Variants in NPAS3 observed in about 807,000 individuals in gnomAD.
The protein encoded by NPAS3 is neuronal PAS domain protein 3, also known as neuronal PAS domain-containing protein 3.
NPAS3 carries 14 observed loss-of-function variants against 73.1 expected under a neutral mutation model. The ratio of observed to expected loss-of-function variants is 0.19; its 90% CI spans 0.13 to 0.30. The LOEUF (loss-of-function observed/expected upper bound fraction) is 0.30, where lower values mean the gene tolerates loss of function less well. Ranked by LOEUF, NPAS3 falls within the 10% of genes least tolerant of loss-of-function variation. NPAS3 has a pLI of 1.00. For missense variants in NPAS3, 1,096 were observed against 1,250.0 expected (o/e 0.88, Z 1.86); for synonymous variants, 620 against 541.5 (o/e 1.14, Z -2.01).
chr14:33,223,929 A>C (rs561304259), intron 3 of NPAS3, among the ~76,000 whole-genome samples: 21 of 152,272 alleles, frequency 1.4e-4, no homozygotes, highest in African/African-American at 5.1e-4. Context: ...CACATAATGA[A>C]GTTTTAAAGA....
intron 2 of NPAS3, among the ~76,000 whole-genome samples, chr14:33,084,269 A>C (rs1178708662): frequency 6.6e-6 from 1 of 152,220 alleles, no homozygotes; most frequent in Non-Finnish European, 1.5e-5. Flanking sequence ...TGAAGTACAT[A>C]GCTATGAGAT....
intron 3 of NPAS3, among the ~76,000 whole-genome samples, chr14:33,270,653 G>A (rs1310348845): frequency 6.6e-6 from 1 of 152,214 alleles, no homozygotes; most frequent in Non-Finnish European, 1.5e-5. Flanking sequence ...AAGGTGGCTA[G>A]ATTACATGTT....
At chr14:32,979,143 C>G (rs544229156) in intron 1 of NPAS3, among the ~76,000 whole-genome samples, 1 of 152,208 alleles carries the variant, frequency 6.6e-6, no homozygotes, top group South Asian at 2.1e-4. Flanking sequence ...AGTGCAGTAC[C>G]TGCCACACTG....
chr14:33,573,987 T>A (rs2056335078), intron 5 of NPAS3, among the ~76,000 whole-genome samples: 1 of 152,182 alleles, frequency 6.6e-6, no homozygotes, highest in Non-Finnish European at 1.5e-5. Context: ...AGGAAGTACA[T>A]TTTTAAAACT....
intron 1 of NPAS3, among the ~76,000 whole-genome samples, chr14:32,965,817 C>T (rs907683809): frequency 1.1e-4 from 16 of 152,000 alleles, no homozygotes; most frequent in South Asian, 2.1e-4. Flanking sequence ...ACTCTACAGA[C>T]GCCATTTAAA....
chr14:33,585,460 G>C (rs1263201246), intron 5 of NPAS3, among the ~76,000 whole-genome samples: 1 of 152,108 alleles, frequency 6.6e-6, no homozygotes, highest in South Asian at 2.1e-4. Context: ...ACATTTTCAC[G>C]CTTCATTTTT....
intron 5 of NPAS3, among the ~76,000 whole-genome samples, chr14:33,643,319 TG>T (rs1402232376): frequency 1.4e-5 from 2 of 143,614 alleles, no homozygotes; most frequent in Non-Finnish European, 3.0e-5. Flanking sequence ...CACCCTTTGC[TG>T]TAAAACACCA....
chr14:33,162,386 A>G (rs2044927360), intron 2 of NPAS3, among the ~76,000 whole-genome samples: 1 of 152,134 alleles, frequency 6.6e-6, no homozygotes, highest in Non-Finnish European at 1.5e-5. Context: ...AAATACTTTA[A>G]TATGCGTTTC....
At chr14:32,967,431 G>A (rs904006350) in intron 1 of NPAS3, among the ~76,000 whole-genome samples, 9 of 152,164 alleles carry the variant, frequency 5.9e-5, no homozygotes, top group East Asian at 5.8e-4. Context: ...CAACTTTGTC[G>A]GGGGTTGGTG....
At chr14:33,304,155 G>T (rs1248260172) in intron 3 of NPAS3, among the ~76,000 whole-genome samples, 1 of 152,154 alleles carries the variant, frequency 6.6e-6, no homozygotes, top group African/African-American at 2.4e-5. Flanking sequence ...TTAAGGTCTT[G>T]AGAAACCTCC....
intron 4 of NPAS3, among the ~76,000 whole-genome samples, chr14:33,527,351 T>C (rs1440661554): frequency 6.6e-6 from 1 of 152,172 alleles, no homozygotes; most frequent in African/African-American, 2.4e-5. Context: ...GTTATTGTCA[T>C]AGGAAGAAAT....
exon 1 of NPAS3, chr14:32,939,329 A>C: frequency 3.0e-6 from 2 of 669,114 alleles, no homozygotes; most frequent in Non-Finnish European, 5.3e-6. Flanking sequence ...GGCGCCCACC[A>C]AGCCCAGCTT....
intron 4 of NPAS3, among the ~76,000 whole-genome samples, chr14:33,452,007 C>G (rs532023748): frequency 6.6e-6 from 1 of 152,244 alleles, no homozygotes; most frequent in African/African-American, 2.4e-5. Flanking sequence ...ATATTAAAAT[C>G]TATGGTTCTT....
Position 33,157,823 on chromosome 14 carries a change from G to C in NPAS3, c.141-57359G>C, listed in dbSNP as rs149115511. ...ACAAGTGACCTTGGCAAGCTACTTAGTATCCCTGGGCTTCAGTCATCTCAT... is the reference window on the plus strand; with the variant it reads ...ACAAGTGACCTTGGCAAGCTACTTACTATCCCTGGGCTTCAGTCATCTCAT... On this transcript the variant is annotated intron_variant, in intron 2 of 11. Transcript: ENST00000356141. 6.5e-3 allele frequency among the ~76,000 whole-genome samples: 993 copies of C among 152,264 alleles called. 3 individuals are homozygous for C. The highest frequency in any genetic ancestry group is 0.02 in the Middle Eastern group (6 of 294).
intron 1 of NPAS3, among the ~76,000 whole-genome samples, chr14:32,974,357 G>A (rs2037565188): frequency 6.6e-6 from 1 of 152,170 alleles, no homozygotes; most frequent in African/African-American, 2.4e-5. Context: ...AAAACATGAA[G>A]ATGGCCACAG....
chr14:33,787,390 T>G (rs2063209411), intron 9 of NPAS3, among the ~76,000 whole-genome samples: 1 of 152,156 alleles, frequency 6.6e-6, no homozygotes, highest in Non-Finnish European at 1.5e-5. Flanking sequence ...CAATTGGCAG[T>G]GTATAGGAAA....
At chr14:33,613,664 A>C (rs1204222410) in intron 5 of NPAS3, among the ~76,000 whole-genome samples, 1 of 152,112 alleles carries the variant, frequency 6.6e-6, no homozygotes, top group African/African-American at 2.4e-5. Flanking sequence ...CCTTTTAGCC[A>C]TCAGGCCACA....
intron 3 of NPAS3, among the ~76,000 whole-genome samples, chr14:33,302,387 AATG>A (rs1166697840): frequency 2.6e-5 from 4 of 152,174 alleles, no homozygotes; most frequent in African/African-American, 9.7e-5. Context: ...AAACTCAAAA[AATG>A]ATGGATGAGA....
intron 5 of NPAS3, among the ~76,000 whole-genome samples, chr14:33,668,988 ACTCAT>A (rs1386740366): frequency 7.9e-5 from 12 of 152,292 alleles, no homozygotes; most frequent in African/African-American, 2.9e-4. Context: ...TATGCATAAC[ACTCAT>A]CTCAACATGT....
Sources: gnomAD v4.1 joint callset for allele counts (sites outside exome capture counted in the v4.1 genomes callset) on GRCh38, gnomAD v4.1.1 for gene constraint, MANE v1.5 for transcripts, NCBI Gene and HGNC (gene_info 2026-07-23, HGNC 2026-07-21) for gene names.